Variants in SEMA3E observed in about 807,000 individuals in gnomAD.
SEMA3E encodes semaphorin 3E.
Under a neutral mutation model 93.6 loss-of-function variants are expected in SEMA3E, and 49 were observed. The ratio of observed to expected loss-of-function variants is 0.52; its 90% CI spans 0.42 to 0.66. The LOEUF (loss-of-function observed/expected upper bound fraction) is 0.66, where lower values mean the gene tolerates loss of function less well. Among genes scored for constraint, SEMA3E ranks in the 30% least tolerant of loss-of-function variants. The pLI is 0.00. For missense variants in SEMA3E, 906 were observed against 964.8 expected, an observed-to-expected ratio of 0.94 and a Z score of 0.81; for synonymous variants, 363 against 330.7, an observed-to-expected ratio of 1.10 and a Z score of -1.06.
At chr7:83,373,110 C>G (rs1420658202) in intron 16 of SEMA3E, 1 of 148,598 alleles carries the variant, frequency 6.7e-6, no homozygotes, top group African/African-American at 2.5e-5. Context: ...TTATTCTTAG[C>G]TATAAAGATT....
intron 1 of SEMA3E, among the ~76,000 whole-genome samples, chr7:83,563,170 G>T (rs534628055): frequency 6.6e-6 from 1 of 152,184 alleles, no homozygotes; most frequent in African/African-American, 2.4e-5. Flanking sequence ...AATCAAGAAG[G>T]TTATCACAGA....
At chr7:83,495,839 A>G (rs993014028) in intron 1 of SEMA3E, among the ~76,000 whole-genome samples, 4 of 152,054 alleles carry the variant, frequency 2.6e-5, no homozygotes, top group African/African-American at 9.6e-5. Flanking sequence ...ACCTATGTAA[A>G]ATTTCTATAT....
At chr7:83,623,901 T>C (rs1167332060) in intron 1 of SEMA3E, among the ~76,000 whole-genome samples, 1 of 132,446 alleles carries the variant, frequency 7.6e-6, no homozygotes, top group East Asian at 2.5e-4. Flanking sequence ...CAGGCCCCAG[T>C]GTGTGATGAT....
chr7:83,389,422 A>T (rs1041215995), intron 14 of SEMA3E, among the ~76,000 whole-genome samples: 5 of 149,524 alleles, frequency 3.3e-5, no homozygotes, highest in African/African-American at 1.2e-4. Flanking sequence ...GGAAACTACA[A>T]TCAAATAATT....
At chr7:83,488,953 A>T (rs1202807077) in intron 2 of SEMA3E, among the ~76,000 whole-genome samples, 1 of 152,064 alleles carries the variant, frequency 6.6e-6, no homozygotes, top group African/African-American at 2.4e-5. Context: ...TAATTTCAAG[A>T]GGAACAAGAA....
chr7:83,536,364 C>T (rs1456993065), intron 1 of SEMA3E, among the ~76,000 whole-genome samples: 6 of 151,826 alleles, frequency 4.0e-5, no homozygotes, highest in Admixed American at 2.6e-4. Context: ...AATGTTAAGG[C>T]TTTGAATAAT....
chr7:83,387,931 CAT>C (rs1273094087), intron 14 of SEMA3E, among the ~76,000 whole-genome samples: 3 of 138,160 alleles, frequency 2.2e-5, no homozygotes, highest in Non-Finnish European at 4.5e-5. Context: ...ATGTAATATA[CAT>C]ATGTTTCGAA....
chr7:83,431,949 C>CTT (rs34741502), intron 4 of SEMA3E, among the ~76,000 whole-genome samples: 12,162 of 139,032 alleles, frequency 0.087, 1,151 homozygotes, highest in African/African-American at 0.24. Context: ...TAATTGGTGA[C>CTT]TTTTTTTTTT....
intron 1 of SEMA3E, among the ~76,000 whole-genome samples, chr7:83,498,049 ACTT>A (rs1790523021): frequency 6.6e-6 from 1 of 151,640 alleles, no homozygotes; most frequent in Non-Finnish European, 1.5e-5. Flanking sequence ...ATGATAAACT[ACTT>A]CTACTTAATA....
At position 83,628,980 on chromosome 7, in the gene SEMA3E, C is replaced by T. The variant is rs1793729838; in HGVS notation, c.115+19448G>A. Among the ~76,000 whole-genome samples, 3 of 151,970 alleles carry T rather than the reference C, an allele frequency of 2.0e-5. No homozygotes were observed. In the South Asian group the frequency reaches 6.2e-4, roughly 32 times the overall value. Reference sequence around the variant, plus strand: ...TCAGATGGAGTTTTTGAGTAGTCATCCTTTCAGTTGATGTTGATGCTATTG... The same window carrying T: ...TCAGATGGAGTTTTTGAGTAGTCATTCTTTCAGTTGATGTTGATGCTATTG... On this transcript the variant is annotated intron_variant, in intron 1 of 16. Transcript: ENST00000643230.
intron 14 of SEMA3E, among the ~76,000 whole-genome samples, chr7:83,391,214 T>A (rs556199516): frequency 1.3e-5 from 2 of 152,236 alleles, no homozygotes; most frequent in African/African-American, 4.8e-5. Context: ...AGCTCAAAAG[T>A]GAGATTATTT....
intron 10 of SEMA3E, among the ~76,000 whole-genome samples, chr7:83,401,590 T>C (rs1394805777): frequency 6.6e-6 from 1 of 152,052 alleles, no homozygotes; most frequent in Non-Finnish European, 1.5e-5. Context: ...GTAATTTCAA[T>C]CAATAGAGTG....
chr7:83,568,913 CTA>C (rs1792217681), intron 1 of SEMA3E, among the ~76,000 whole-genome samples: 1 of 151,872 alleles, frequency 6.6e-6, no homozygotes, highest in African/African-American at 2.4e-5. Flanking sequence ...CAAAAGGGAT[CTA>C]GATTGGAAAA....
At chr7:83,570,589 C>T (rs1421936829) in intron 1 of SEMA3E, among the ~76,000 whole-genome samples, 1 of 143,148 alleles carries the variant, frequency 7.0e-6, no homozygotes, top group Non-Finnish European at 1.5e-5. Flanking sequence ...AGAAAGGTCT[C>T]AGACTAATGA....
intron 4 of SEMA3E, among the ~76,000 whole-genome samples, chr7:83,434,348 C>A (rs1262501448): frequency 2.0e-5 from 3 of 152,052 alleles, no homozygotes; most frequent in Non-Finnish European, 2.9e-5. Flanking sequence ...GGGTTAAATT[C>A]TTTTGCTCTG....
At position 83,365,825 on chromosome 7, in the gene SEMA3E, C is replaced by T. The variant is rs1421300795; in HGVS notation, c.*1761G>A. On this transcript the variant is annotated 3_prime_UTR_variant, in exon 17 of 17. Transcript: ENST00000643230. ...TGTTCAGACATAAACTTTGTAAGGCCCCTGTGATCTGTGTTTGTGGTTCTA... is the reference window on the plus strand; with the variant it reads ...TGTTCAGACATAAACTTTGTAAGGCTCCTGTGATCTGTGTTTGTGGTTCTA... The T allele has an allele frequency of 2.6e-5, 4 of 151,858 alleles. No homozygotes were observed. The highest frequency in any genetic ancestry group is 5.9e-5 in the Non-Finnish European group (4 of 67,942). 9.4% of individuals were successfully genotyped at this position (151,858 alleles called of 1,614,324 possible).
intron 2 of SEMA3E, among the ~76,000 whole-genome samples, chr7:83,474,112 A>AG (rs1256396506): frequency 6.6e-6 from 1 of 150,822 alleles, no homozygotes; most frequent in African/African-American, 2.5e-5. Context: ...AAAAAAAAAA[A>AG]AAAAGAAAAA....
chr7:83,512,615 T>G (rs188035390), intron 1 of SEMA3E, among the ~76,000 whole-genome samples: 92 of 152,300 alleles, frequency 6.0e-4, no homozygotes, highest in African/African-American at 2.2e-3. Flanking sequence ...AACATTAATT[T>G]GCACTTAAAA....
intron 1 of SEMA3E, among the ~76,000 whole-genome samples, chr7:83,529,477 A>G (rs373579808): frequency 1.1e-4 from 17 of 152,174 alleles, no homozygotes; most frequent in Admixed American, 9.8e-4. Flanking sequence ...TATTGTAAGG[A>G]GATTCAATTC....
Sources: gnomAD v4.1 joint callset for allele counts (sites outside exome capture counted in the v4.1 genomes callset) on GRCh38, gnomAD v4.1.1 for gene constraint, MANE v1.5 for transcripts, NCBI Gene and HGNC (gene_info 2026-07-23, HGNC 2026-07-21) for gene names.